Variants in SSPN observed in about 807,000 individuals in gnomAD.
SSPN encodes the protein K-ras oncogene-associated protein.
SSPN carries 15 observed loss-of-function variants against 19.1 expected under a neutral mutation model. That is an observed-to-expected ratio of 0.78 (90% CI 0.52 to 1.21). The LOEUF (loss-of-function observed/expected upper bound fraction) is 1.21, where lower values mean the gene tolerates loss of function less well. Ranked by LOEUF, SSPN falls within the 50% of genes most tolerant of loss-of-function variation. The probability of loss-of-function intolerance (pLI) is 0.00; values close to 1 mark genes in which losing one functional copy is unlikely to be tolerated. For missense variants in SSPN, 291 were observed against 314.0 expected (o/e 0.93, Z 0.55); for synonymous variants, 147 against 140.3 (o/e 1.05, Z -0.34).
At position 26,195,643 on chromosome 12, in the gene SSPN, A is replaced by ACT; in HGVS notation, c.-29_-28insTC. On this transcript the variant is annotated 5_prime_UTR_variant, in exon 1 of 3. Transcript: ENST00000242729. ...CCAGGGCCCAGGGCGCCGCACACGC[A>ACT]CCCACCCACCCACCCAGCCTCGCAG... The ACT allele has an allele frequency of 8.3e-6, 2 of 242,024 alleles. No individual in the cohort carries two copies. 15.0% of individuals were successfully genotyped at this position (242,024 alleles called of 1,614,324 possible). A position where few individuals can be genotyped will look rare whatever the true frequency, so the allele number is the denominator to read the frequency against.
At chr12:26,142,699 C>A (rs1444402856) in intron 1 of SSPN, among the ~76,000 whole-genome samples, 1 of 152,144 alleles carries the variant, frequency 6.6e-6, no homozygotes, top group Non-Finnish European at 1.5e-5. Flanking sequence ...TGAGCTATTT[C>A]AGGACATGGA....
intron 1 of SSPN, among the ~76,000 whole-genome samples, chr12:26,205,664 G>A (rs1016979668): frequency 3.3e-5 from 5 of 152,220 alleles, no homozygotes; most frequent in Admixed American, 1.3e-4. Context: ...GGAGGACTGT[G>A]CCTACCTCAG....
chr12:26,201,038 T>TAAA (rs1565685504), intron 1 of SSPN, among the ~76,000 whole-genome samples: 154 of 59,858 alleles, frequency 2.6e-3, no homozygotes, highest in African/African-American at 9.9e-3. Context: ...TATATATATA[T>TAAA]ATATATATTA....
intron 1 of SSPN, among the ~76,000 whole-genome samples, chr12:26,174,515 T>TCCTTCCTTCCTTC: frequency 7.0e-6 from 1 of 142,558 alleles, no homozygotes; most frequent in South Asian, 2.3e-4. Flanking sequence ...CTTCCTTCCT[T>TCCTTCCTTCCTTC]CCTTCCTTCC....
intron 1 of SSPN, among the ~76,000 whole-genome samples, chr12:26,162,210 T>C (rs1008440799): frequency 1.3e-5 from 2 of 152,226 alleles, no homozygotes; most frequent in African/African-American, 2.4e-5. Flanking sequence ...TATATGCAAA[T>C]AATATCAAAA....
At chr12:26,230,109 C>A (rs117511609) in intron 2 of SSPN, among the ~76,000 whole-genome samples, 2 of 151,162 alleles carry the variant, frequency 1.3e-5, no homozygotes, top group African/African-American at 4.9e-5. Context: ...ATGAAGCTGA[C>A]GTTGAGTCAC....
intron 2 of SSPN, among the ~76,000 whole-genome samples, chr12:26,224,802 G>A (rs1447799397): frequency 6.6e-6 from 1 of 151,984 alleles, no homozygotes; most frequent in African/African-American, 2.4e-5. Context: ...TACATTGGGC[G>A]CATCCAAATG....
chr12:26,148,708 A>T (rs1040585412), intron 1 of SSPN, among the ~76,000 whole-genome samples: 1 of 152,178 alleles, frequency 6.6e-6, no homozygotes, highest in Non-Finnish European at 1.5e-5. Flanking sequence ...TTTTCTTTTT[A>T]AAAAAGCTTG....
At chr12:26,182,604 CT>C (rs1944726293) in intron 1 of SSPN, among the ~76,000 whole-genome samples, 2 of 53,002 alleles carry the variant, frequency 3.8e-5, no homozygotes, top group Non-Finnish European at 1.4e-4. Context: ...CTTCCCTTCC[CT>C]TCCCTTCCCT....
intron 1 of SSPN, among the ~76,000 whole-genome samples, chr12:26,220,974 C>T (rs186209021): frequency 6.0e-4 from 92 of 152,296 alleles, no homozygotes; most frequent in Admixed American, 4.7e-3. Flanking sequence ...AAGAATTGCT[C>T]CCATCCAATC....
At chr12:26,163,809 A>G (rs1246510000) in intron 1 of SSPN, among the ~76,000 whole-genome samples, 1 of 152,244 alleles carries the variant, frequency 6.6e-6, no homozygotes, top group Non-Finnish European at 1.5e-5. Context: ...AAATACTGAT[A>G]TGTTATATCT....
intron 1 of SSPN, chr12:26,124,663 G>GA (rs1427128560): frequency 9.9e-6 from 16 of 1,612,994 alleles, no homozygotes; most frequent in East Asian, 2.2e-5. Context: ...TTCTGGAGAA[G>GA]AAAAAAATCA....
In SSPN at chr12:26,231,100, G is replaced by C; in HGVS notation, c.*24G>C. 1 of 1,595,658 alleles carries C rather than the reference G, an allele frequency of 6.3e-7. No individual in the cohort carries two copies. Among genetic ancestry groups the C allele is most frequent in the Non-Finnish European group, 8.6e-7 (1 of 1,168,822 alleles). ...AACATTCTTGCTCAAAGTTGCGAGA[G>C]AAAGTAGCACATGGAGTAGCTGAGG... On this transcript the variant is annotated 3_prime_UTR_variant, in exon 3 of 3. Transcript: ENST00000242729.
At chr12:26,201,641 A>AT (rs1011077294) in intron 1 of SSPN, among the ~76,000 whole-genome samples, 1 of 151,682 alleles carries the variant, frequency 6.6e-6, no homozygotes, top group South Asian at 2.1e-4. Context: ...AGGTTCTAAT[A>AT]TTTTTTTTAA....
intron 1 of SSPN, among the ~76,000 whole-genome samples, chr12:26,140,971 C>T (rs1451074043): frequency 1.3e-5 from 2 of 152,184 alleles, no homozygotes; most frequent in Non-Finnish European, 2.9e-5. Flanking sequence ...CTTAAAATCT[C>T]TCCACTAGTT....
At chr12:26,169,578 CATATAT>C (rs10568499) in intron 1 of SSPN, among the ~76,000 whole-genome samples, 1 of 124,368 alleles carries the variant, frequency 8.0e-6, no homozygotes, top group Non-Finnish European at 1.6e-5. Context: ...GGATTCAAAT[CATATAT>C]ATATATATAT....
intron 2 of SSPN, among the ~76,000 whole-genome samples, chr12:26,228,281 C>T (rs1299248605): frequency 6.6e-6 from 1 of 151,850 alleles, no homozygotes; most frequent in African/African-American, 2.4e-5. Flanking sequence ...CACCTGTAGT[C>T]CCAGTTACTC....
Position 26,232,749 on chromosome 12 carries a change from T to C in SSPN, c.*1673T>C, listed in dbSNP as rs1945246661. On this transcript the variant is annotated 3_prime_UTR_variant, in exon 3 of 3. Coordinates refer to ENST00000242729, the MANE Select transcript of SSPN (RefSeq NM_005086.5). ...CTAGATAAAACACCCGATTAACAGA[T>C]GTTAAACCTTTTAATGTTTTGATTT... 6.1e-6 allele frequency: 6 copies of C among 980,850 alleles called. No homozygotes were observed. Among genetic ancestry groups the C allele is most frequent in the South Asian group, 4.7e-5 (1 of 21,222 alleles). The allele number at this position is 980,850 out of a possible 1,614,324, so 60.8% of individuals were successfully genotyped here.
intron 1 of SSPN, among the ~76,000 whole-genome samples, chr12:26,212,034 T>C (rs1028956508): frequency 6.6e-6 from 1 of 152,212 alleles, no homozygotes; most frequent in Admixed American, 6.6e-5. Flanking sequence ...GGCAAATGCA[T>C]GAGCAAAATT....
Sources: gnomAD v4.1 joint callset for allele counts (sites outside exome capture counted in the v4.1 genomes callset) on GRCh38, gnomAD v4.1.1 for gene constraint, MANE v1.5 for transcripts, NCBI Gene and HGNC (gene_info 2026-07-23, HGNC 2026-07-21) for gene names.